The following SHQ1 variants were observed in gnomAD, a reference collection of about 807,000 sequenced individuals.
SHQ1 encodes the protein protein SHQ1 homolog.
In SHQ1, 49 loss-of-function variants were observed where a neutral mutation model predicts 53.8. The ratio of observed to expected loss-of-function variants is 0.91; its 90% CI spans 0.72 to 1.16. The LOEUF (loss-of-function observed/expected upper bound fraction) is 1.16. Among genes scored for constraint, SHQ1 ranks in the 50% most tolerant of loss-of-function variants. The probability of loss-of-function intolerance (pLI) is 0.00; values close to 1 mark genes in which losing one functional copy is unlikely to be tolerated. For missense variants in SHQ1, 738 were observed against 683.1 expected, an observed-to-expected ratio of 1.08 and a Z score of -0.90; for synonymous variants, 243 against 251.0, an observed-to-expected ratio of 0.97 and a Z score of 0.30.
chr3:72,765,542 TATATATATA>T lies in SHQ1; in HGVS notation c.1182-14715_1182-14707del, dbSNP rs1212239208. Among the ~76,000 whole-genome samples, 707 of 96,002 alleles carry T rather than the reference TATATATATA, an allele frequency of 7.4e-3. 27 individuals are homozygous for T. The highest frequency in any genetic ancestry group is 0.037 in the African/African-American group (590 of 15,834). The allele number at this position is 96,002 out of a possible 152,430, so 63.0% of individuals were successfully genotyped here. ...CAGATTCACATGACATATATATATA[TATATATATA>T]TATATATTTTTTTTTTTTTTTTGAG... On this transcript the variant is annotated intron_variant, in intron 10 of 10. Transcript: ENST00000325599.
chr3:72,801,905 C>A (rs1441812328), intron 9 of SHQ1, among the ~76,000 whole-genome samples: 1 of 152,172 alleles, frequency 6.6e-6, no homozygotes, highest in Non-Finnish European at 1.5e-5. Context: ...CATAAATAAT[C>A]TTATGCAGTT....
In SHQ1 at chr3:72,848,299, G is replaced by A. The variant is rs772163760; in HGVS notation, c.42C>T (p.Phe14=). 2.1e-5 allele frequency: 34 copies of A among 1,614,082 alleles called. No individual in the cohort carries two copies. The highest frequency in any genetic ancestry group is 2.9e-5 in the Non-Finnish European group (34 of 1,180,038). Residue 14 remains phenylalanine, a synonymous_variant, in exon 1 of 11, where the codon TTC becomes TTT. Transcript: ENST00000325599. The part of the protein sequence containing the change: ...PAFDLSQDPD[F]LTIAIRVPYA... ...AGGGCACGCGGATGGCGATAGTCAG[G>A]AAGTCCGGATCCTGGCTGAGGTCGA...
At chr3:72,781,065 CTTTTTTTT>C (rs527930281) in intron 10 of SHQ1, among the ~76,000 whole-genome samples, 1 of 131,176 alleles carries the variant, frequency 7.6e-6, no homozygotes, top group Non-Finnish European at 1.6e-5. Context: ...TTTTTTTTTT[CTTTTTTTT>C]TTTTTTGAGA....
In SHQ1 at chr3:72,848,410, C is replaced by G. The variant is rs575136843; in HGVS notation, c.-70G>C. 125 of 1,588,852 alleles carry G rather than the reference C, an allele frequency of 7.9e-5. No homozygotes were observed. In the African/African-American group the frequency reaches 1.4e-3, roughly 18 times the overall value. On this transcript the variant is annotated 5_prime_UTR_variant, in exon 1 of 11. Coordinates refer to ENST00000325599, the MANE Select transcript of SHQ1 (RefSeq NM_018130.3). ...GCCGCGTTCCCGCCACGCAAACTCT[C>G]CAACTCCCCACGCGCAGGAACTCTC...
chr3:72,753,995 A>C (rs1705445755), intron 10 of SHQ1, among the ~76,000 whole-genome samples: 2 of 152,356 alleles, frequency 1.3e-5, no homozygotes, highest in South Asian at 4.1e-4. Flanking sequence ...ATAAAGAGTA[A>C]TAAATTTGGG....
At chr3:72,757,175 G>A (rs1232315407) in intron 10 of SHQ1, among the ~76,000 whole-genome samples, 1 of 152,114 alleles carries the variant, frequency 6.6e-6, no homozygotes, top group Non-Finnish European at 1.5e-5. Context: ...CATTTCCTCT[G>A]CCCAAACCTA....
chr3:72,800,179 C>T (rs1238370133), intron 9 of SHQ1, among the ~76,000 whole-genome samples: 1 of 152,164 alleles, frequency 6.6e-6, no homozygotes, highest in African/African-American at 2.4e-5. Context: ...GTGATACCCT[C>T]TGCCACGTTC....
intron 10 of SHQ1, among the ~76,000 whole-genome samples, chr3:72,778,420 G>C (rs1706002474): frequency 6.6e-6 from 1 of 151,824 alleles, no homozygotes; most frequent in Non-Finnish European, 1.5e-5. Flanking sequence ...CTGCACTCCA[G>C]CCTGGGTGAC....
intron 4 of SHQ1, among the ~76,000 whole-genome samples, chr3:72,833,491 TAGATAGATAGAC>T (rs1425727719): frequency 0.11 from 10,889 of 95,418 alleles, 506 homozygotes; most frequent in Admixed American, 0.14. Context: ...GATAGATAGA[TAGATAGATAGAC>T]AGACAGACAG....
chr3:72,813,830 CTTTTTT>C (rs931930903), intron 8 of SHQ1, among the ~76,000 whole-genome samples: 4 of 108,200 alleles, frequency 3.7e-5, no homozygotes, highest in Non-Finnish European at 7.4e-5. Flanking sequence ...TCCTCTTTTT[CTTTTTT>C]TTTTTTTTTT....
intron 10 of SHQ1, among the ~76,000 whole-genome samples, chr3:72,783,050 G>A (rs1575689008): frequency 6.6e-6 from 1 of 152,216 alleles, no homozygotes; most frequent in East Asian, 1.9e-4. Context: ...GGAGATGAAG[G>A]AAAATAGCAA....
intron 10 of SHQ1, among the ~76,000 whole-genome samples, chr3:72,770,062 T>A (rs373701390): frequency 4.1e-4 from 63 of 152,240 alleles, no homozygotes; most frequent in African/African-American, 1.3e-3. Flanking sequence ...AAGCCCTTGA[T>A]AAATGCTAGC....
At chr3:72,742,641 G>A in the SHQ1 span, among the ~76,000 whole-genome samples, 1 of 132,624 alleles carries the variant, frequency 7.5e-6, no homozygotes, top group African/African-American at 2.9e-5. Context: ...TTTTGAGATG[G>A]AGTCTCACTC....
intron 10 of SHQ1, among the ~76,000 whole-genome samples, chr3:72,785,633 T>C (rs1236681357): frequency 6.6e-6 from 1 of 152,190 alleles, no homozygotes; most frequent in Non-Finnish European, 1.5e-5. Flanking sequence ...ATGATCCAAA[T>C]GCAAAAAGCC....
intron 10 of SHQ1, among the ~76,000 whole-genome samples, chr3:72,754,199 T>G (rs937775939): frequency 5.3e-5 from 8 of 152,128 alleles, no homozygotes; most frequent in Admixed American, 4.6e-4. Context: ...TTGTTATCCC[T>G]ACATTACAGA....
chr3:72,825,919 C>T (rs1476767673), intron 5 of SHQ1, among the ~76,000 whole-genome samples: 3 of 152,082 alleles, frequency 2.0e-5, no homozygotes, highest in Non-Finnish European at 4.4e-5. Context: ...TTCCAGGCAC[C>T]GCACTAAAAG....
chr3:72,748,037 G>A (rs1165593104), downstream of SHQ1, among the ~76,000 whole-genome samples: 1 of 151,020 alleles, frequency 6.6e-6, no homozygotes. Flanking sequence ...TCCTCAGTAC[G>A]CACACTGGGA....
downstream of SHQ1, among the ~76,000 whole-genome samples, chr3:72,746,063 G>A (rs977398026): frequency 3.9e-5 from 6 of 152,040 alleles, no homozygotes; most frequent in African/African-American, 1.4e-4. Context: ...GGCTGGTCTC[G>A]AACTCCTGAC....
intron 4 of SHQ1, 73 bp downstream of exon 4, chr3:72,840,972 T>C: frequency 6.7e-7 from 1 of 1,503,114 alleles, no homozygotes; most frequent in South Asian, 1.3e-5. Flanking sequence ...CTACCAAGTG[T>C]AAGCATAACT....
Sources: allele counts gnomAD v4.1 joint callset (sites outside exome capture counted in the v4.1 genomes callset), GRCh38; gene constraint gnomAD v4.1.1; transcripts MANE v1.5; gene names NCBI Gene and HGNC (gene_info 2026-07-23, HGNC 2026-07-21).